The following PTPRR variants were observed in gnomAD, a reference collection of about 807,000 sequenced individuals.
PTPRR encodes receptor-type tyrosine-protein phosphatase R.
PTPRR carries 38 observed loss-of-function variants against 77.2 expected under a neutral mutation model. That is an observed-to-expected ratio of 0.49 (90% CI 0.38 to 0.65). The LOEUF (loss-of-function observed/expected upper bound fraction) is 0.65. Ranked by LOEUF, PTPRR falls within the 30% of genes least tolerant of loss-of-function variation. The pLI, the probability that PTPRR is intolerant of heterozygous loss-of-function variation, is 0.00. For synonymous variants in PTPRR, 299 were observed against 283.1 expected (o/e 1.06, Z -0.57); for missense variants, 744 against 799.2 (o/e 0.93, Z 0.83).
At chr12:70,718,002 C>T (rs1013908577) in intron 6 of PTPRR, among the ~76,000 whole-genome samples, 1 of 152,104 alleles carries the variant, frequency 6.6e-6, no homozygotes, top group Non-Finnish European at 1.5e-5. Context: ...GAATAGGCAT[C>T]TATGCTAAGA....
chr12:70,808,992 A>T (rs1194973745), intron 2 of PTPRR, among the ~76,000 whole-genome samples: 3 of 152,180 alleles, frequency 2.0e-5, no homozygotes, highest in Admixed American at 2.0e-4. Context: ...GAGATAGTAT[A>T]GGGAGATTGA....
chr12:70,787,862 T>A (rs1891354580), intron 2 of PTPRR, among the ~76,000 whole-genome samples: 1 of 152,180 alleles, frequency 6.6e-6, no homozygotes, highest in South Asian at 2.1e-4. Flanking sequence ...AGATGCATTA[T>A]TTTTTGACAT....
chr12:70,746,864 A>G (rs1482288349), intron 5 of PTPRR, among the ~76,000 whole-genome samples: 2 of 151,616 alleles, frequency 1.3e-5, no homozygotes, highest in Non-Finnish European at 2.9e-5. Flanking sequence ...AAAGAAAGAC[A>G]TTTTATTGTT....
intron 2 of PTPRR, among the ~76,000 whole-genome samples, chr12:70,817,703 A>T (rs1891929555): frequency 6.6e-6 from 1 of 152,234 alleles, no homozygotes; most frequent in South Asian, 2.1e-4. Flanking sequence ...TTGTTCAGAC[A>T]GTGCCACATC....
At chr12:70,661,159 C>G in intron 11 of PTPRR, 62 bp from the exon 12 acceptor site, 1 of 1,553,464 alleles carries the variant, frequency 6.4e-7, no homozygotes, top group Non-Finnish European at 8.7e-7. Context: ...TCATCCAAAC[C>G]ACAATACTGA....
At chr12:70,713,001 C>T (rs963735888) in intron 6 of PTPRR, among the ~76,000 whole-genome samples, 9 of 152,090 alleles carry the variant, frequency 5.9e-5, no homozygotes, top group Non-Finnish European at 1.2e-4. Flanking sequence ...ATTTTCCTCA[C>T]TCCCCCCAAA....
At chr12:70,865,055 C>T (rs567344960) in intron 2 of PTPRR, among the ~76,000 whole-genome samples, 90 of 152,154 alleles carry the variant, frequency 5.9e-4, no homozygotes, top group African/African-American at 4.1e-4. Context: ...CCTTGTGATC[C>T]GCCCGCCTTG....
intron 10 of PTPRR, chr12:70,672,951 G>A (rs1472177030): frequency 7.0e-7 from 1 of 1,436,500 alleles, no homozygotes; most frequent in Admixed American, 2.1e-5. Context: ...GGTGTGGGCA[G>A]GTGCCAGCCC....
At chr12:70,706,844 G>A (rs1248707518) in intron 6 of PTPRR, among the ~76,000 whole-genome samples, 2 of 151,816 alleles carry the variant, frequency 1.3e-5, no homozygotes, top group Non-Finnish European at 2.9e-5. Context: ...TCTGCAAATG[G>A]GAATAATAAT....
intron 2 of PTPRR, among the ~76,000 whole-genome samples, chr12:70,826,521 C>A (rs935853690): frequency 5.9e-5 from 9 of 152,164 alleles, no homozygotes; most frequent in African/African-American, 2.2e-4. Flanking sequence ...AACCAAGAAT[C>A]CAGCCCCATG....
chr12:70,728,705 A>G (rs961586395), intron 6 of PTPRR, among the ~76,000 whole-genome samples: 6 of 151,434 alleles, frequency 4.0e-5, no homozygotes, highest in Admixed American at 4.0e-4. Context: ...GGGATATTCA[A>G]CCTGTACTGA....
At chr12:70,897,785 G>C (rs1893457439) in intron 1 of PTPRR, among the ~76,000 whole-genome samples, 1 of 152,010 alleles carries the variant, frequency 6.6e-6, no homozygotes, top group Admixed American at 6.6e-5. Context: ...ACTGGATTAA[G>C]AAAATGTGGC....
intron 6 of PTPRR, among the ~76,000 whole-genome samples, chr12:70,704,169 C>A (rs1333145300): frequency 1.3e-5 from 2 of 152,070 alleles, no homozygotes; most frequent in Non-Finnish European, 2.9e-5. Context: ...CATCTGTAAT[C>A]CCAGCACTTT....
chr12:70,758,932 C>CTTG (rs10680609), intron 4 of PTPRR, among the ~76,000 whole-genome samples: 63,579 of 150,670 alleles, frequency 0.42, 14,173 homozygotes, highest in African/African-American at 0.53. Flanking sequence ...GCTATTTGCT[C>CTTG]TTGTTGTTGT....
chr12:70,830,444 G>T (rs1892192296), intron 2 of PTPRR, among the ~76,000 whole-genome samples: 2 of 152,194 alleles, frequency 1.3e-5, no homozygotes, highest in Admixed American at 6.5e-5. Context: ...AGTATGGTTA[G>T]CTGTGCCTTG....
chr12:70,792,669 TTGTACCCATGC>T (rs1211893787), intron 2 of PTPRR, among the ~76,000 whole-genome samples: 1 of 152,188 alleles, frequency 6.6e-6, no homozygotes, highest in East Asian at 1.9e-4. Context: ...ACACTAAATT[TTGTACCCATGC>T]TGACTTCTGT....
chr12:70,761,462 A>T lies in PTPRR; in HGVS notation c.627+9T>A. 6.4e-7 allele frequency: 1 copy of T among 1,566,686 alleles called. No individual in the cohort carries two copies. Among genetic ancestry groups the T allele is most frequent in the Admixed American group, 1.9e-5 (1 of 52,802 alleles). ...ATTTTTAAATGAATTGTTTCGTGCA[A>T]CAACATACCTCAGGAGAGACTTCTG... On this transcript the variant is annotated intron_variant, in intron 4 of 13. Coordinates refer to ENST00000283228, the MANE Select transcript of PTPRR (RefSeq NM_002849.4).
rs372436310 is a variant in PTPRR, at chr12:70,902,235, G to A, written c.59-9258C>T. On this transcript the variant is annotated intron_variant, in intron 1 of 13. Transcript: ENST00000283228. Reference sequence around the variant, plus strand: ...GCTGGTGGGAATGTAAACTAGTACAGCCACTATGGAAAACAGTGTGGAGAT... The same window carrying A: ...GCTGGTGGGAATGTAAACTAGTACAACCACTATGGAAAACAGTGTGGAGAT... 2.6e-5 allele frequency among the ~76,000 whole-genome samples: 4 copies of A among 151,790 alleles called. No homozygotes were observed. In the East Asian group the frequency reaches 7.7e-4, roughly 29 times the overall value.
chr12:70,821,157 G>C (rs1022960287), intron 2 of PTPRR, among the ~76,000 whole-genome samples: 1 of 144,416 alleles, frequency 6.9e-6, no homozygotes, highest in Non-Finnish European at 1.5e-5. Flanking sequence ...TCTTTCAAGA[G>C]ATACATTTGT....
Sources: allele counts gnomAD v4.1 joint callset (sites outside exome capture counted in the v4.1 genomes callset), GRCh38; gene constraint gnomAD v4.1.1; transcripts MANE v1.5; gene names NCBI Gene and HGNC (gene_info 2026-07-23, HGNC 2026-07-21).